B3GLCT: variants seen among roughly 807,000 people sequenced by gnomAD.
B3GLCT encodes beta 3-glucosyltransferase.
A neutral mutation model predicts 63.4 loss-of-function variants in B3GLCT; 65 were observed. The observed-to-expected ratio is 1.03, with a 90% confidence interval of 0.84 to 1.26. B3GLCT has a LOEUF of 1.26. Ranked by LOEUF, B3GLCT falls within the 50% of genes most tolerant of loss-of-function variation. B3GLCT has a pLI of 0.00. For synonymous variants in B3GLCT, 233 were observed against 219.2 expected, an observed-to-expected ratio of 1.06 and a Z score of -0.55; for missense variants, 577 against 604.8, an observed-to-expected ratio of 0.95 and a Z score of 0.48.
chr13:31,241,429 G>A (rs927294840), intron 4 of B3GLCT, among the ~76,000 whole-genome samples: 1 of 152,206 alleles, frequency 6.6e-6, no homozygotes, highest in African/African-American at 2.4e-5. Context: ...GGAGGTGGGG[G>A]CTCCATGAAC....
At chr13:31,200,568 C>G (rs1868601779) in intron 1 of B3GLCT, among the ~76,000 whole-genome samples, 1 of 151,088 alleles carries the variant, frequency 6.6e-6, no homozygotes, top group Non-Finnish European at 1.5e-5. Context: ...TCCCGCCCCC[C>G]TGCCTTCCGC....
chr13:31,326,556 C>T (rs1427018822), intron 14 of B3GLCT, among the ~76,000 whole-genome samples: 1 of 152,120 alleles, frequency 6.6e-6, no homozygotes, highest in African/African-American at 2.4e-5. Flanking sequence ...GCTGGGATTA[C>T]AGGCCTGAGC....
rs764527259 is a variant in B3GLCT, at chr13:31,215,109, C to T, written c.120+9C>T. 9 of 1,609,302 alleles carry T rather than the reference C, an allele frequency of 5.6e-6. No homozygotes were observed. The Admixed American group carries it at 1.0e-4, about 18-fold the overall frequency. On this transcript the variant is annotated intron_variant, in intron 2 of 14. Coordinates refer to ENST00000343307, the MANE Select transcript of B3GLCT (RefSeq NM_194318.4). The stretch of plus-strand genomic sequence containing the variant: ...AGGTCAAGCAGTCTCAGGTACTAAT[C>T]CCAATGATCAAATCTTTTCCTCCCT...
At chr13:31,262,677 G>T (rs889665770) in intron 7 of B3GLCT, among the ~76,000 whole-genome samples, 8 of 152,126 alleles carry the variant, frequency 5.3e-5, no homozygotes, top group African/African-American at 1.7e-4. Flanking sequence ...TTATGTTTGG[G>T]GCCAGTTTAG....
At chr13:31,233,486 G>T (rs914780946) in intron 4 of B3GLCT, among the ~76,000 whole-genome samples, 7 of 152,100 alleles carry the variant, frequency 4.6e-5, no homozygotes, top group Non-Finnish European at 1.0e-4. Context: ...GTTGGTGGGG[G>T]CCTGGGGAGG....
intron 1 of B3GLCT, among the ~76,000 whole-genome samples, chr13:31,206,086 GA>G (rs1189484592): frequency 6.6e-6 from 1 of 152,184 alleles, no homozygotes; most frequent in African/African-American, 2.4e-5. Flanking sequence ...CTTGATGGGG[GA>G]TATGGAGGAG....
At chr13:31,316,181 C>G (rs1199030277) in intron 12 of B3GLCT, among the ~76,000 whole-genome samples, 2 of 151,766 alleles carry the variant, frequency 1.3e-5, no homozygotes, top group African/African-American at 4.8e-5. Flanking sequence ...TAGTGGAGCA[C>G]TCAGAAGAGG....
chr13:31,231,573 G>A (rs1482705165), intron 4 of B3GLCT, among the ~76,000 whole-genome samples: 1 of 151,846 alleles, frequency 6.6e-6, no homozygotes, highest in Admixed American at 6.6e-5. Context: ...TTTATTTTTG[G>A]CCAATTTTGT....
chr13:31,241,107 C>T (rs1302324805), intron 4 of B3GLCT, among the ~76,000 whole-genome samples: 3 of 152,210 alleles, frequency 2.0e-5, no homozygotes, highest in Non-Finnish European at 4.4e-5. Context: ...GAAATCTTCA[C>T]ACCATTTGGA....
intron 3 of B3GLCT, among the ~76,000 whole-genome samples, chr13:31,225,964 G>A (rs1408729544): frequency 1.3e-5 from 2 of 152,120 alleles, no homozygotes; most frequent in Non-Finnish European, 2.9e-5. Flanking sequence ...ACTGTACCCC[G>A]CCGTGCTCCT....
At chr13:31,204,543 A>G (rs1301248173) in intron 1 of B3GLCT, among the ~76,000 whole-genome samples, 1 of 152,088 alleles carries the variant, frequency 6.6e-6, no homozygotes, top group East Asian at 1.9e-4. Context: ...AGGACGGAGG[A>G]CTGAAGGGCT....
chr13:31,207,625 G>A (rs557797841), intron 1 of B3GLCT, among the ~76,000 whole-genome samples: 17 of 151,846 alleles, frequency 1.1e-4, no homozygotes, highest in African/African-American at 4.1e-4. Context: ...GAATATGTTG[G>A]TCTCATCAAA....
intron 12 of B3GLCT, among the ~76,000 whole-genome samples, chr13:31,315,667 C>G (rs1360657181): frequency 6.6e-6 from 1 of 152,250 alleles, no homozygotes; most frequent in African/African-American, 2.4e-5. Flanking sequence ...GGGAGAAATT[C>G]AAGCCAGCTG....
At chr13:31,220,559 C>G (rs1478823794) in intron 2 of B3GLCT, among the ~76,000 whole-genome samples, 1 of 152,226 alleles carries the variant, frequency 6.6e-6, no homozygotes, top group Non-Finnish European at 1.5e-5. Context: ...ACAAGGGAAG[C>G]TGGAGACAGA....
intron 1 of B3GLCT, among the ~76,000 whole-genome samples, chr13:31,213,062 G>C (rs572120531): frequency 6.6e-6 from 1 of 152,272 alleles, no homozygotes; most frequent in East Asian, 1.9e-4. Context: ...GTGTGTATGT[G>C]TGTGTAAAGT....
At chr13:31,200,593 C>T (rs1868603946) in intron 1 of B3GLCT, among the ~76,000 whole-genome samples, 1 of 151,404 alleles carries the variant, frequency 6.6e-6, no homozygotes, top group Admixed American at 6.6e-5. Flanking sequence ...GCTCCGCCGT[C>T]CTGCGCGCCC....
intron 12 of B3GLCT, among the ~76,000 whole-genome samples, chr13:31,314,894 G>C (rs1009537992): frequency 3.3e-5 from 5 of 152,190 alleles, no homozygotes; most frequent in African/African-American, 9.7e-5. Flanking sequence ...CTGAGGGCTG[G>C]TCTTTCCCGT....
At chr13:31,324,352 A>G (rs187067774) in intron 14 of B3GLCT, among the ~76,000 whole-genome samples, 1 of 152,358 alleles carries the variant, frequency 6.6e-6, no homozygotes, top group African/African-American at 2.4e-5. Context: ...TGCCATTAAA[A>G]TGAATGGCTA....
rs1186633204 is a variant in B3GLCT at position 31,209,618 on chromosome 13, G to C, written c.71-5433G>C. The stretch of plus-strand genomic sequence containing the variant: ...CTGGGTGGCAGAGCCACAGGTACCG[G>C]GTTTTATGCTCTCCTGGCTTTTGTG... On this transcript the variant is annotated intron_variant, in intron 1 of 14. Transcript: ENST00000343307. Among the ~76,000 whole-genome samples, 3 of 152,148 alleles carry C rather than the reference G, an allele frequency of 2.0e-5. No homozygotes were observed. In the East Asian group the frequency reaches 5.8e-4, roughly 29 times the overall value.
Sources: allele counts gnomAD v4.1 joint callset (sites outside exome capture counted in the v4.1 genomes callset), GRCh38; gene constraint gnomAD v4.1.1; transcripts MANE v1.5; gene names NCBI Gene and HGNC (gene_info 2026-07-23, HGNC 2026-07-21).